The following ZNF678 variants were observed in gnomAD, a reference collection of about 807,000 sequenced individuals.
The protein encoded by ZNF678 is zinc finger protein 678.
In ZNF678, 5 loss-of-function variants were observed where a neutral mutation model predicts 3.0. The ratio of observed to expected loss-of-function variants is 1.69; its 90% CI spans 0.88 to 3.56. The LOEUF (loss-of-function observed/expected upper bound fraction) is 3.56. Ranked by LOEUF, ZNF678 falls within the 30% of genes most tolerant of loss-of-function variation. The probability of loss-of-function intolerance (pLI) is 0.00; values close to 1 mark genes in which losing one functional copy is unlikely to be tolerated. For synonymous variants in ZNF678, 218 were observed against 199.6 expected (o/e 1.09, Z -0.78); for missense variants, 593 against 605.0 (o/e 0.98, Z 0.21).
chr1:227,649,070 TA>T (rs1011438929), intron 2 of ZNF678, among the ~76,000 whole-genome samples: 4 of 152,102 alleles, frequency 2.6e-5, no homozygotes, highest in African/African-American at 9.7e-5. Context: ...AATAATATTT[TA>T]TTGTGTATGT....
downstream of ZNF678, among the ~76,000 whole-genome samples, chr1:227,665,751 A>G (rs1411325878): frequency 6.6e-6 from 1 of 152,192 alleles, no homozygotes; most frequent in Non-Finnish European, 1.5e-5. Context: ...GAACTACAAC[A>G]TATCTTTTGC....
intron 1 of ZNF678, among the ~76,000 whole-genome samples, chr1:227,641,060 C>T (rs1250802836): frequency 1.3e-5 from 2 of 152,214 alleles, no homozygotes; most frequent in African/African-American, 4.8e-5. Flanking sequence ...GCTAACCAGG[C>T]TCCCGGGAAA....
chr1:227,668,267 C>T (rs1029818017), intron 5 of ZNF678, among the ~76,000 whole-genome samples: 6 of 152,090 alleles, frequency 3.9e-5, no homozygotes, highest in East Asian at 1.9e-4. Context: ...CTATAATTAG[C>T]GATTTAATTT....
intron 1 of ZNF678, among the ~76,000 whole-genome samples, chr1:227,577,580 T>C (rs1227352514): frequency 6.6e-6 from 1 of 152,224 alleles, no homozygotes; most frequent in Non-Finnish European, 1.5e-5. Context: ...CTGTGTTTTA[T>C]TTGCTTGGTA....
At chr1:227,603,780 T>TA (rs1657795687) in intron 1 of ZNF678, among the ~76,000 whole-genome samples, 1 of 152,220 alleles carries the variant, frequency 6.6e-6, no homozygotes, top group Non-Finnish European at 1.5e-5. Flanking sequence ...TCAGTGGACT[T>TA]CAAGTGCCTC....
intron 1 of ZNF678, among the ~76,000 whole-genome samples, chr1:227,612,223 A>T (rs958143321): frequency 7.2e-5 from 11 of 152,166 alleles, no homozygotes; most frequent in African/African-American, 2.4e-4. Context: ...CAGTATGCAG[A>T]ACTGATGGCC....
At chr1:227,663,515 C>A (rs992514898), downstream of ZNF678, among the ~76,000 whole-genome samples, 1 of 152,278 alleles carries the variant, frequency 6.6e-6, no homozygotes, top group South Asian at 2.1e-4. Flanking sequence ...GGTTAACCCC[C>A]GGCTCCCCTT....
At chr1:227,673,004 T>G (rs543669849) in intron 5 of ZNF678, among the ~76,000 whole-genome samples, 1 of 152,288 alleles carries the variant, frequency 6.6e-6, no homozygotes, top group South Asian at 2.1e-4. Context: ...TTGGCTCAAC[T>G]CTTCTTCCTG....
At chr1:227,631,884 A>C (rs939300122) in intron 1 of ZNF678, among the ~76,000 whole-genome samples, 6 of 152,212 alleles carry the variant, frequency 3.9e-5, no homozygotes. Flanking sequence ...AACACAGTGG[A>C]AGGACGTTTG....
intron 1 of ZNF678, among the ~76,000 whole-genome samples, chr1:227,594,695 C>G (rs1364551928): frequency 6.6e-6 from 1 of 152,220 alleles, no homozygotes; most frequent in Non-Finnish European, 1.5e-5. Context: ...TTTTCTATAA[C>G]ATTTTCCTCT....
At position 227,651,001 on chromosome 1, in the gene ZNF678, A is replaced by G. The variant is rs149071126; in HGVS notation, c.10A>G (p.Ile4Val). MGTISLCIGVCAFE... is the reference protein window; with the variant it reads MGTVSLCIGVCAFE... Reference sequence around the variant, plus strand: ...AATAGAAGCATTGATAATGGGCACAATATCACTTTGCATTGGTGTCTGTGC... The same window carrying G: ...AATAGAAGCATTGATAATGGGCACAGTATCACTTTGCATTGGTGTCTGTGC... The change falls in exon 3 of 4, where the codon ATA (isoleucine) becomes GTA (valine). Residue 4 changes from isoleucine (I) to valine (V), a missense_variant. Ile to Val is a conservative substitution (Grantham distance 29). Transcript: ENST00000343776. 1.4e-5 allele frequency: 22 copies of G among 1,612,802 alleles called. No homozygotes were observed. Among genetic ancestry groups the G allele is most frequent in the African/African-American group, 2.7e-5 (2 of 74,880 alleles).
intron 1 of ZNF678, among the ~76,000 whole-genome samples, chr1:227,623,165 T>C (rs1310582072): frequency 6.6e-6 from 1 of 152,250 alleles, no homozygotes; most frequent in Non-Finnish European, 1.5e-5. Flanking sequence ...TATTTGCTCC[T>C]ATGGGTTCTG....
intron 1 of ZNF678, among the ~76,000 whole-genome samples, chr1:227,569,223 C>T (rs1489106359): frequency 6.6e-6 from 1 of 152,158 alleles, no homozygotes; most frequent in Non-Finnish European, 1.5e-5. Context: ...CTCCTGGCCT[C>T]AAGGTTGCTT....
chr1:227,630,000 T>G (rs936426612), intron 1 of ZNF678, among the ~76,000 whole-genome samples: 1 of 152,038 alleles, frequency 6.6e-6, no homozygotes, highest in Non-Finnish European at 1.5e-5. Context: ...TGATCTCTAT[T>G]ATAAAAAACT....
At chr1:227,614,976 C>T (rs571270182) in intron 1 of ZNF678, among the ~76,000 whole-genome samples, 1 of 152,318 alleles carries the variant, frequency 6.6e-6, no homozygotes, top group East Asian at 1.9e-4. Flanking sequence ...GACTGATTTA[C>T]ACATTACGCA....
intron 1 of ZNF678, among the ~76,000 whole-genome samples, chr1:227,601,658 A>G (rs567948436): frequency 6.6e-6 from 1 of 152,100 alleles, no homozygotes; most frequent in East Asian, 1.9e-4. Flanking sequence ...TCCACCTCCC[A>G]GGTTCAAGCG....
chr1:227,659,644 G>A lies in ZNF678; in HGVS notation c.*3816G>A, dbSNP rs1416073931. 2 of 93,932 alleles carry A rather than the reference G, an allele frequency of 2.1e-5. No homozygotes were observed. Among genetic ancestry groups the A allele is most frequent in the African/African-American group, 5.2e-5 (1 of 19,242 alleles). 5.8% of individuals were successfully genotyped at this position (93,932 alleles called of 1,614,324 possible). On this transcript the variant is annotated 3_prime_UTR_variant, in exon 4 of 4. Coordinates refer to ENST00000343776, the MANE Select transcript of ZNF678 (RefSeq NM_001367909.1). ...GACATTTTTAAAAATCATAAAAACT[G>A]TATTTTCTATATAGTTCAGCTAAGT...
intron 1 of ZNF678, among the ~76,000 whole-genome samples, chr1:227,571,557 C>T (rs991474397): frequency 2.6e-5 from 4 of 152,216 alleles, no homozygotes; most frequent in African/African-American, 9.6e-5. Context: ...TGTGTATTCA[C>T]AATTCAATTT....
At chr1:227,651,173 G>C in intron 3 of ZNF678, 97 bp downstream of exon 3, 2 of 1,325,510 alleles carry the variant, frequency 1.5e-6, no homozygotes, top group Middle Eastern at 1.9e-4. Context: ...TTGTTGGCAG[G>C]GTCCACAATG....
Sources: gnomAD v4.1 joint callset for allele counts (sites outside exome capture counted in the v4.1 genomes callset) on GRCh38, gnomAD v4.1.1 for gene constraint, MANE v1.5 for transcripts, NCBI Gene and HGNC (gene_info 2026-07-23, HGNC 2026-07-21) for gene names.